PCDH15: variants seen among roughly 807,000 people sequenced by gnomAD.
PCDH15 encodes protocadherin-15.
PCDH15 carries 129 observed loss-of-function variants against 178.5 expected under a neutral mutation model. That is an observed-to-expected ratio of 0.72 (90% CI 0.63 to 0.84). PCDH15 has a LOEUF of 0.84. PCDH15 is among the 40% of genes least tolerant of loss of function. PCDH15 has a pLI of 0.00. For synonymous variants in PCDH15, 800 were observed against 732.0 expected (o/e 1.09, Z -1.50); for missense variants, 2,230 against 2,099.9 (o/e 1.06, Z -1.21).
intron 1 of PCDH15, among the ~76,000 whole-genome samples, chr10:55,295,654 T>A (rs1343852486): frequency 6.6e-6 from 1 of 152,198 alleles, no homozygotes; most frequent in Non-Finnish European, 1.5e-5. Flanking sequence ...TCACTCCTTC[T>A]TTTAACTTAT....
chr10:54,694,943 C>T (rs574312614), intron 1 of PCDH15, among the ~76,000 whole-genome samples: 1 of 151,856 alleles, frequency 6.6e-6, no homozygotes, highest in East Asian at 1.9e-4. Flanking sequence ...CCTCAAGCAC[C>T]AAACAGCCAA....
chr10:55,245,489 C>A (rs940136705), intron 1 of PCDH15, among the ~76,000 whole-genome samples: 1 of 152,030 alleles, frequency 6.6e-6, no homozygotes, highest in Non-Finnish European at 1.5e-5. Flanking sequence ...TTTATTCTGA[C>A]CCAAGCTATG....
intron 1 of PCDH15, among the ~76,000 whole-genome samples, chr10:55,217,276 A>G (rs1840733553): frequency 6.6e-6 from 1 of 151,960 alleles, no homozygotes; most frequent in African/African-American, 2.4e-5. Flanking sequence ...ATCAATAGAT[A>G]GGGAAAATAT....
chr10:54,150,798 T>C (rs143004543), intron 14 of PCDH15, among the ~76,000 whole-genome samples: 75 of 152,194 alleles, frequency 4.9e-4, no homozygotes, highest in African/African-American at 1.7e-3. Flanking sequence ...TGAAGTATTA[T>C]GACAACTATA....
intron 9 of PCDH15, among the ~76,000 whole-genome samples, chr10:54,232,072 T>C (rs2054134388): frequency 6.6e-6 from 1 of 152,120 alleles, no homozygotes; most frequent in Non-Finnish European, 1.5e-5. Flanking sequence ...GAACCAGGGG[T>C]TTCATGATAT....
intron 18 of PCDH15, among the ~76,000 whole-genome samples, chr10:54,044,439 A>T (rs769405563): frequency 6.6e-6 from 1 of 152,122 alleles, no homozygotes; most frequent in East Asian, 1.9e-4. Flanking sequence ...AGCAATATAG[A>T]AAGGTGCAAC....
chr10:55,585,751 A>G (rs971429291), intron 2 of PCDH15, among the ~76,000 whole-genome samples: 6 of 151,866 alleles, frequency 4.0e-5, no homozygotes, highest in Admixed American at 3.3e-4. Context: ...GTATATATAT[A>G]TGTGTGTGTG....
At chr10:54,678,357 T>G (rs2094830967) in intron 1 of PCDH15, among the ~76,000 whole-genome samples, 1 of 152,178 alleles carries the variant, frequency 6.6e-6, no homozygotes, top group African/African-American at 2.4e-5. Context: ...GTTAAAGTCA[T>G]TTGGATGACA....
intron 15 of PCDH15, among the ~76,000 whole-genome samples, chr10:54,126,892 T>C (rs2042037036): frequency 6.6e-6 from 1 of 152,162 alleles, no homozygotes; most frequent in African/African-American, 2.4e-5. Flanking sequence ...CTTACAAACC[T>C]TTTAAAATAC....
At chr10:54,193,552 A>T (rs929092176) in intron 11 of PCDH15, among the ~76,000 whole-genome samples, 1 of 152,164 alleles carries the variant, frequency 6.6e-6, no homozygotes, top group East Asian at 1.9e-4. Context: ...ACATTTGCTC[A>T]GCCTGGATTG....
intron 1 of PCDH15, among the ~76,000 whole-genome samples, chr10:55,292,977 C>T (rs1022575710): frequency 1.3e-5 from 2 of 152,168 alleles, no homozygotes; most frequent in African/African-American, 4.8e-5. Flanking sequence ...GTGGGGGCTC[C>T]GACTCCATAT....
chr10:53,816,367 G>C (rs1343649490), intron 34 of PCDH15, 90 bp from the exon 35 acceptor site: 3 of 396,932 alleles, frequency 7.6e-6, no homozygotes, highest in Non-Finnish European at 1.3e-5. Flanking sequence ...AAAAAAAGGC[G>C]ACAGTTTAAA....
At chr10:55,259,575 T>G (rs1013902977) in intron 1 of PCDH15, among the ~76,000 whole-genome samples, 6 of 152,088 alleles carry the variant, frequency 3.9e-5, no homozygotes, top group Non-Finnish European at 8.8e-5. Flanking sequence ...GGAGGAGACC[T>G]GAGGACATGC....
intron 9 of PCDH15, among the ~76,000 whole-genome samples, chr10:54,231,704 G>C (rs372499940): frequency 6.6e-6 from 1 of 152,212 alleles, no homozygotes; most frequent in South Asian, 2.1e-4. Context: ...CAAGGCCTTG[G>C]GAGCCCACCC....
At chr10:54,139,381 A>G (rs998933299) in intron 14 of PCDH15, among the ~76,000 whole-genome samples, 1 of 152,202 alleles carries the variant, frequency 6.6e-6, no homozygotes, top group Non-Finnish European at 1.5e-5. Flanking sequence ...AGAAATCTGG[A>G]TAAACTATTA....
chr10:55,278,360 T>C (rs1048799293), intron 1 of PCDH15, among the ~76,000 whole-genome samples: 11 of 152,138 alleles, frequency 7.2e-5, no homozygotes, highest in African/African-American at 2.2e-4. Context: ...ATTATTCTAT[T>C]TTCCTTTTTT....
chr10:54,604,933 T>C (rs1027477840), intron 2 of PCDH15, among the ~76,000 whole-genome samples: 6 of 151,766 alleles, frequency 4.0e-5, no homozygotes, highest in Non-Finnish European at 8.8e-5. Context: ...TTTTCTTTTT[T>C]AAGTACTATG....
At chr10:53,942,963 T>A (rs2086201805) in intron 23 of PCDH15, among the ~76,000 whole-genome samples, 1 of 152,144 alleles carries the variant, frequency 6.6e-6, no homozygotes, top group South Asian at 2.1e-4. Flanking sequence ...ATACTACTTA[T>A]CAAAAGTTTA....
chr10:54,953,407 G>A (rs1486506769), intron 2 of PCDH15, among the ~76,000 whole-genome samples: 1 of 151,324 alleles, frequency 6.6e-6, no homozygotes, highest in Non-Finnish European at 1.5e-5. Flanking sequence ...TACATTGTTG[G>A]ATTCAATTTG....
Sources: gnomAD v4.1 joint callset for allele counts (sites outside exome capture counted in the v4.1 genomes callset) on GRCh38, gnomAD v4.1.1 for gene constraint, MANE v1.5 for transcripts, NCBI Gene and HGNC (gene_info 2026-07-23, HGNC 2026-07-21) for gene names.